The following SNX13 variants were observed in gnomAD, a reference collection of about 807,000 sequenced individuals.
The protein encoded by SNX13 is sorting nexin 13, also known as sorting nexin-13.
In SNX13, 45 loss-of-function variants were observed where a neutral mutation model predicts 133.6. The ratio of observed to expected loss-of-function variants is 0.34; its 90% CI spans 0.27 to 0.43. SNX13 has a LOEUF of 0.43. Among genes scored for constraint, SNX13 ranks in the 20% least tolerant of loss-of-function variants. The pLI is 1.00. For synonymous variants in SNX13, 414 were observed against 373.9 expected (o/e 1.11, Z -1.24); for missense variants, 1,032 against 1,145.1 (o/e 0.90, Z 1.43).
chr7:17,832,556 T>C (rs182965332), intron 15 of SNX13: 4 of 887,944 alleles, frequency 4.5e-6, no homozygotes, highest in Middle Eastern at 1.2e-3. Flanking sequence ...ATAGTCATTT[T>C]AGGATGGTTA....
rs779409957 is a variant in SNX13, at chr7:17,801,574, T to C, written c.2298+14A>G. 2 of 1,595,712 alleles carry C rather than the reference T, an allele frequency of 1.3e-6. No individual in the cohort carries two copies. Among genetic ancestry groups the C allele is most frequent in the Admixed American group, 3.5e-5 (2 of 57,852 alleles). On this transcript the variant is annotated intron_variant, in intron 22 of 25. Transcript: ENST00000428135. Reference sequence around the variant, plus strand: ...GACTTAAACTAAATACTACCAAGAATAAAATTAACTCACATTATCGTCAAG... The same window carrying C: ...GACTTAAACTAAATACTACCAAGAACAAAATTAACTCACATTATCGTCAAG...
intron 12 of SNX13, among the ~76,000 whole-genome samples, chr7:17,844,948 T>C (rs1204796545): frequency 1.3e-5 from 2 of 152,066 alleles, no homozygotes; most frequent in African/African-American, 2.4e-5. Flanking sequence ...TACTCAATGA[T>C]GAAAGACAAA....
intron 2 of SNX13, 79 bp from the exon 3 acceptor site, chr7:17,893,513 C>G: frequency 1.1e-6 from 1 of 905,470 alleles, no homozygotes; most frequent in Non-Finnish European, 1.7e-6. Flanking sequence ...AGTATATTTT[C>G]CAGAGTTCAC....
At position 17,921,698 on chromosome 7, in the gene SNX13, G is replaced by A. The variant is rs76424422; in HGVS notation, c.12+18586C>T. Among the ~76,000 whole-genome samples, 13 of 152,214 alleles carry A rather than the reference G, an allele frequency of 8.5e-5. No homozygotes were observed. The East Asian group carries it at 2.1e-3, about 25-fold the overall frequency. ...TTTAAAATCCCACTACCCAGCTTACGCCACATACAAATTAAATCAAAATAG... is the reference window on the plus strand; with the variant it reads ...TTTAAAATCCCACTACCCAGCTTACACCACATACAAATTAAATCAAAATAG... On this transcript the variant is annotated intron_variant, in intron 1 of 25. Transcript: ENST00000428135.
At chr7:17,933,800 G>A (rs370645722) in intron 1 of SNX13, among the ~76,000 whole-genome samples, 25 of 142,530 alleles carry the variant, frequency 1.8e-4, no homozygotes, top group East Asian at 2.0e-4. Flanking sequence ...GGAATATACA[G>A]AAAAAAAAAA....
At chr7:17,933,083 A>G (rs1490158726) in intron 1 of SNX13, among the ~76,000 whole-genome samples, 3 of 152,240 alleles carry the variant, frequency 2.0e-5, no homozygotes, top group Non-Finnish European at 2.9e-5. Context: ...AGCACGAGTT[A>G]TAACAAAAGC....
At chr7:17,800,983 A>G (rs1784545274) in intron 22 of SNX13, among the ~76,000 whole-genome samples, 1 of 93,948 alleles carries the variant, frequency 1.1e-5, no homozygotes, top group Non-Finnish European at 2.3e-5. Flanking sequence ...TTGAAAAAGT[A>G]CTTGGCAGTA....
chr7:17,794,046 C>T lies in SNX13; in HGVS notation c.2873G>A (p.Ter958=). The change falls in exon 26 of 26, where the codon TGA becomes TAA. Residue 958 remains the stop codon, a stop_retained_variant. Transcript: ENST00000428135. ...TTQAPSLQKR[*] is the part of the protein sequence containing the mutation. ...ACACCAGCTTCATAGAGTGGAGTGT[C>T]ACCTTTTCTGCAAAGAAGGCGCTTG... 6.2e-7 allele frequency: 1 copy of T among 1,610,606 alleles called. No homozygotes were observed. Among genetic ancestry groups the T allele is most frequent in the Non-Finnish European group, 8.5e-7 (1 of 1,177,788 alleles).
intron 1 of SNX13, among the ~76,000 whole-genome samples, chr7:17,921,927 T>C (rs1283827676): frequency 6.6e-6 from 1 of 152,234 alleles, no homozygotes; most frequent in Admixed American, 6.5e-5. Flanking sequence ...ATGTGGATAA[T>C]CCATCAAATA....
At chr7:17,805,663 A>G (rs1785209114) in intron 20 of SNX13, among the ~76,000 whole-genome samples, 1 of 152,210 alleles carries the variant, frequency 6.6e-6, no homozygotes, top group Admixed American at 6.5e-5. Context: ...GAGTTTACCT[A>G]TTATGAACTG....
Position 17,794,130 on chromosome 7 carries a change from T to C in SNX13, c.2789A>G (p.Asn930Ser). 2 of 1,611,802 alleles carry C rather than the reference T, an allele frequency of 1.2e-6. No individual in the cohort carries two copies. The highest frequency in any genetic ancestry group is 1.7e-6 in the Non-Finnish European group (2 of 1,178,494). The change falls in exon 26 of 26, where the codon AAC (asparagine) becomes AGC (serine). Residue 930 changes from asparagine to serine, a missense_variant. Physicochemically the swap from Asn to Ser is conservative, Grantham distance 46. Transcript: ENST00000428135. ...CTGCTTTGACCGTGAATGCAGTTTGTTGAAAAGTTCACGGAATTTATACTG... is the reference window on the plus strand; with the variant it reads ...CTGCTTTGACCGTGAATGCAGTTTGCTGAAAAGTTCACGGAATTTATACTG... ...FPQYKFRELF[N>S]KLHSRSKQMQ...
intron 18 of SNX13, among the ~76,000 whole-genome samples, chr7:17,817,507 G>A (rs1786793129): frequency 1.3e-5 from 2 of 152,166 alleles, no homozygotes; most frequent in African/African-American, 4.8e-5. Flanking sequence ...CCCCAAACTG[G>A]AAGATTCTGA....
intron 16 of SNX13, among the ~76,000 whole-genome samples, chr7:17,829,003 T>A (rs975424545): frequency 6.6e-6 from 1 of 151,546 alleles, no homozygotes; most frequent in Non-Finnish European, 1.5e-5. Flanking sequence ...TAAATGGTAA[T>A]GACACCAAAT....
At chr7:17,804,219 AT>A (rs145323651) in intron 20 of SNX13, among the ~76,000 whole-genome samples, 1,816 of 152,286 alleles carry the variant, frequency 0.012, 15 homozygotes, top group Middle Eastern at 0.02. Flanking sequence ...ACAAAAAAAA[AT>A]GTTTTCCAAA....
intron 9 of SNX13, among the ~76,000 whole-genome samples, chr7:17,862,421 T>C (rs989953987): frequency 2.6e-5 from 4 of 152,162 alleles, no homozygotes; most frequent in African/African-American, 7.2e-5. Context: ...ACATAATCCA[T>C]ACTCATTGCA....
intron 1 of SNX13, among the ~76,000 whole-genome samples, chr7:17,932,519 T>G (rs1242387857): frequency 6.6e-6 from 1 of 152,230 alleles, no homozygotes; most frequent in Non-Finnish European, 1.5e-5. Flanking sequence ...TGAGGAAATA[T>G]TCAACATTCA....
chr7:17,824,882 G>A (rs910356403), intron 17 of SNX13, among the ~76,000 whole-genome samples: 4 of 151,390 alleles, frequency 2.6e-5, no homozygotes, highest in African/African-American at 9.7e-5. Context: ...CGATTCTCCT[G>A]CCTCAGCCTC....
intron 8 of SNX13, among the ~76,000 whole-genome samples, chr7:17,870,791 G>A (rs1478040557): frequency 6.6e-6 from 1 of 152,146 alleles, no homozygotes; most frequent in African/African-American, 2.4e-5. Context: ...TCATCTGGGA[G>A]AAAGAGGTAT....
At chr7:17,829,134 A>C (rs1788210080) in intron 16 of SNX13, among the ~76,000 whole-genome samples, 1 of 151,546 alleles carries the variant, frequency 6.6e-6, no homozygotes, top group African/African-American at 2.4e-5. Context: ...GTTATTTTAG[A>C]AGCAGACATG....
Sources: allele counts gnomAD v4.1 joint callset (sites outside exome capture counted in the v4.1 genomes callset), GRCh38; gene constraint gnomAD v4.1.1; transcripts MANE v1.5; gene names NCBI Gene and HGNC (gene_info 2026-07-23, HGNC 2026-07-21).